The following HS6ST3 variants were observed in gnomAD, a reference collection of about 807,000 sequenced individuals.
The protein encoded by HS6ST3 is heparan sulfate 6-O-sulfotransferase 3, also known as heparan-sulfate 6-O-sulfotransferase 3.
In HS6ST3, 12 loss-of-function variants were observed where a neutral mutation model predicts 36.7. The ratio of observed to expected loss-of-function variants is 0.33; its 90% CI spans 0.21 to 0.53. The LOEUF is 0.53. Among genes scored for constraint, HS6ST3 ranks in the 20% least tolerant of loss-of-function variants. The pLI is 0.95. For synonymous variants in HS6ST3, 240 were observed against 257.5 expected, an observed-to-expected ratio of 0.93 and a Z score of 0.65; for missense variants, 584 against 640.9, an observed-to-expected ratio of 0.91 and a Z score of 0.96.
At chr13:96,512,535 A>G (rs2056053991) in intron 1 of HS6ST3, among the ~76,000 whole-genome samples, 3 of 152,144 alleles carry the variant, frequency 2.0e-5, no homozygotes, top group African/African-American at 7.2e-5. Flanking sequence ...TGAAGTATCC[A>G]TCTATTGTGG....
chr13:96,094,533 G>A (rs898993438), intron 1 of HS6ST3, among the ~76,000 whole-genome samples: 15 of 152,120 alleles, frequency 9.9e-5, no homozygotes, highest in African/African-American at 3.6e-4. Flanking sequence ...GTCTTTGCAG[G>A]GGGCAAGGTG....
chr13:96,497,039 G>A (rs995396945), intron 1 of HS6ST3, among the ~76,000 whole-genome samples: 2 of 152,162 alleles, frequency 1.3e-5, no homozygotes, highest in Non-Finnish European at 2.9e-5. Context: ...TAGCAGGTGG[G>A]ACAAGACAGC....
chr13:96,502,105 A>G (rs1289981996), intron 1 of HS6ST3, among the ~76,000 whole-genome samples: 4 of 152,174 alleles, frequency 2.6e-5, no homozygotes, highest in Non-Finnish European at 5.9e-5. Flanking sequence ...ACAATGTTCT[A>G]GTGACCTGCA....
At chr13:96,306,112 T>C (rs1408438607) in intron 1 of HS6ST3, among the ~76,000 whole-genome samples, 3 of 145,000 alleles carry the variant, frequency 2.1e-5, no homozygotes, top group Non-Finnish European at 3.0e-5. Flanking sequence ...TTTTCTTTTT[T>C]TTTTTTTTTT....
intron 1 of HS6ST3, among the ~76,000 whole-genome samples, chr13:96,445,519 A>T (rs182841498): frequency 1.2e-3 from 178 of 152,226 alleles, no homozygotes; most frequent in Non-Finnish European, 2.1e-3. Context: ...CCATGAGAGT[A>T]CACTATATAT....
intron 1 of HS6ST3, among the ~76,000 whole-genome samples, chr13:96,654,999 G>C (rs1416416063): frequency 6.6e-6 from 1 of 152,126 alleles, no homozygotes; most frequent in East Asian, 1.9e-4. Context: ...TTTACATTAT[G>C]AGATTTTGAA....
chr13:96,413,739 G>A (rs960745823), intron 1 of HS6ST3, among the ~76,000 whole-genome samples: 3 of 152,124 alleles, frequency 2.0e-5, no homozygotes, highest in Admixed American at 6.5e-5. Context: ...TATGATTTGT[G>A]TTTTGGATCT....
chr13:96,520,638 C>T (rs2056089630), intron 1 of HS6ST3, among the ~76,000 whole-genome samples: 1 of 151,984 alleles, frequency 6.6e-6, no homozygotes, highest in South Asian at 2.1e-4. Context: ...AGCAATTTGG[C>T]TCTCTGTTTC....
intron 1 of HS6ST3, among the ~76,000 whole-genome samples, chr13:96,267,392 G>A (rs1470031435): frequency 1.3e-5 from 2 of 152,048 alleles, no homozygotes; most frequent in African/African-American, 4.8e-5. Context: ...AAATCTTTTA[G>A]AATTTAAATC....
At chr13:96,357,145 A>G (rs913100312) in intron 1 of HS6ST3, among the ~76,000 whole-genome samples, 2 of 152,216 alleles carry the variant, frequency 1.3e-5, no homozygotes, top group Non-Finnish European at 2.9e-5. Context: ...TCTTAAGGGA[A>G]TGTTGTGGCT....
chr13:96,682,749 T>A (rs2056722669), intron 1 of HS6ST3, among the ~76,000 whole-genome samples: 2 of 152,090 alleles, frequency 1.3e-5, no homozygotes, highest in Admixed American at 6.6e-5. Flanking sequence ...AATGATGGGT[T>A]TATTTCTTTT....
chr13:96,269,690 A>G (rs1033815937), intron 1 of HS6ST3, among the ~76,000 whole-genome samples: 1 of 151,984 alleles, frequency 6.6e-6, no homozygotes, highest in Non-Finnish European at 1.5e-5. Context: ...TTTTCATGCT[A>G]AAGTCAGCTT....
chr13:96,534,474 G>A (rs959837182), intron 1 of HS6ST3, among the ~76,000 whole-genome samples: 7 of 152,126 alleles, frequency 4.6e-5, no homozygotes, highest in Non-Finnish European at 1.0e-4. Flanking sequence ...GGTTGTTAGG[G>A]GGTCTAAATG....
chr13:96,533,773 C>T (rs374499279), intron 1 of HS6ST3, among the ~76,000 whole-genome samples: 2 of 152,198 alleles, frequency 1.3e-5, no homozygotes, highest in African/African-American at 4.8e-5. Flanking sequence ...TTTGATCCGG[C>T]CTTGAGGTCT....
chr13:96,660,105 G>T (rs1292953431), intron 1 of HS6ST3, among the ~76,000 whole-genome samples: 4 of 152,024 alleles, frequency 2.6e-5, no homozygotes, highest in African/African-American at 9.7e-5. Flanking sequence ...AACCAAAGCT[G>T]TAGGAATAAC....
chr13:96,346,555 A>C (rs575783881), intron 1 of HS6ST3, among the ~76,000 whole-genome samples: 10 of 146,826 alleles, frequency 6.8e-5, no homozygotes, highest in African/African-American at 2.5e-4. Flanking sequence ...AGCCTGGGCG[A>C]CAGAGAGACT....
intron 1 of HS6ST3, among the ~76,000 whole-genome samples, chr13:96,645,620 A>G (rs2056585991): frequency 6.6e-6 from 1 of 151,828 alleles, no homozygotes; most frequent in South Asian, 2.1e-4. Flanking sequence ...TCTGAAAAAA[A>G]TCAAACATAT....
At chr13:96,189,765 C>T (rs2054280404) in intron 1 of HS6ST3, among the ~76,000 whole-genome samples, 1 of 152,190 alleles carries the variant, frequency 6.6e-6, no homozygotes, top group Non-Finnish European at 1.5e-5. Flanking sequence ...GGAGCCACTC[C>T]TGTCTGGGAC....
chr13:96,335,862 G>C (rs929177087), intron 1 of HS6ST3, among the ~76,000 whole-genome samples: 1 of 152,198 alleles, frequency 6.6e-6, no homozygotes, highest in South Asian at 2.1e-4. Context: ...GTCAGGGGTA[G>C]AATAATTCCT....
Sources: allele counts gnomAD v4.1 joint callset (sites outside exome capture counted in the v4.1 genomes callset), GRCh38; gene constraint gnomAD v4.1.1; transcripts MANE v1.5; gene names NCBI Gene and HGNC (gene_info 2026-07-23, HGNC 2026-07-21).